The following REC8 variants were observed in gnomAD, a reference collection of about 807,000 sequenced individuals.
REC8 encodes meiotic recombination protein REC8 homolog.
In REC8, 42 loss-of-function variants were observed where a neutral mutation model predicts 78.3. That is an observed-to-expected ratio of 0.54 (90% confidence interval 0.42 to 0.69). The LOEUF (loss-of-function observed/expected upper bound fraction) is 0.69. Ranked by LOEUF, REC8 falls within the 30% of genes least tolerant of loss-of-function variation. The probability of loss-of-function intolerance (pLI) is 0.00; values close to 1 mark genes in which losing one functional copy is unlikely to be tolerated. For missense variants in REC8, 581 were observed against 715.8 expected, an observed-to-expected ratio of 0.81 and a Z score of 2.15; for synonymous variants, 268 against 274.1, an observed-to-expected ratio of 0.98 and a Z score of 0.22.
chr14:24,172,205 C>G lies in REC8; in HGVS notation c.-348C>G. ...TGCTGTGGAGGACACCGTGCTCCCT[C>G]GGGACCTGCTCTGGATTCCGGCCCG... On this transcript the variant is annotated 5_prime_UTR_variant, in exon 1 of 19. Coordinates refer to ENST00000611366, the MANE Select transcript of REC8 (RefSeq NM_001048205.2). 1 of 324,406 alleles carries G rather than the reference C, an allele frequency of 3.1e-6. No homozygotes were observed. The highest frequency in any genetic ancestry group is 5.7e-6 in the Non-Finnish European group (1 of 174,084). The allele number at this position is 324,406 out of a possible 1,614,324, so 20.1% of individuals were successfully genotyped here.
chr14:24,176,466 C>T (rs946680212), intron 6 of REC8, among the ~76,000 whole-genome samples: 5 of 151,630 alleles, frequency 3.3e-5, no homozygotes, highest in African/African-American at 1.2e-4. Flanking sequence ...ACCTCAGCCT[C>T]CAGAGTAGCT....
downstream of REC8, chr14:24,180,692 G>C (rs372061945): frequency 1.2e-6 from 2 of 1,614,192 alleles, no homozygotes; most frequent in Non-Finnish European, 1.7e-6. Context: ...CCCTCACCTG[G>C]TGGGATCTTG....
At position 24,172,530 on chromosome 14, in the gene REC8, G is replaced by C. The variant is rs759738512; in HGVS notation, c.-23G>C. On this transcript the variant is annotated 5_prime_UTR_variant, in exon 1 of 19. Transcript: ENST00000611366. ...ATCCGAACGGGGATCTGGTGGAATC[G>C]AGGGTGAAAGACCAGAGGGACAATG... 1.9e-6 allele frequency: 3 copies of C among 1,604,098 alleles called. No homozygotes were observed. Among genetic ancestry groups the C allele is most frequent in the East Asian group, 2.2e-5 (1 of 44,634 alleles).
chr14:24,177,485 C>A lies in REC8; in HGVS notation c.758C>A (p.Ala253Glu). The A allele has an allele frequency of 6.2e-7, 1 of 1,614,142 alleles. No homozygotes were observed. Among genetic ancestry groups the A allele is most frequent in the Non-Finnish European group, 8.5e-7 (1 of 1,180,014 alleles). The part of the protein sequence containing the change: ...APAEVEGIGE[A>E]LGPEELRLTG... ...CTCAGGGTGGAAGGAATAGGAGAGG[C>A]ACTGGGTCCTGAGGAGCTGAGGCTG... is the stretch of plus-strand genomic sequence containing the variant. The change falls in exon 10 of 19, where the codon GCA (alanine) becomes GAA (glutamate). Residue 253 changes from alanine (A) to glutamate (E), a missense_variant. Physicochemically the swap from Ala to Glu is moderately radical, Grantham distance 107. Transcript: ENST00000611366.
chr14:24,173,894 C>G (rs1428092553), intron 5 of REC8, among the ~76,000 whole-genome samples: 1 of 152,144 alleles, frequency 6.6e-6, no homozygotes, highest in Non-Finnish European at 1.5e-5. Context: ...GAGACAGGAT[C>G]TTGCTCTGTG....
rs1173285511 is a variant in REC8 at position 24,172,618 on chromosome 14, G to C, written c.56+10G>C. On this transcript the variant is annotated intron_variant, in intron 1 of 18. Coordinates refer to ENST00000611366, the MANE Select transcript of REC8 (RefSeq NM_001048205.2). ...GCTTTGCCACCATCTGGTAAGGGCG[G>C]GGCCCGTTGGCGCGCGATGGCGGAC... 6.2e-7 allele frequency: 1 copy of C among 1,613,228 alleles called. No individual in the cohort carries two copies. Among genetic ancestry groups the C allele is most frequent in the Non-Finnish European group, 8.5e-7 (1 of 1,179,522 alleles).
At chr14:24,178,262 C>A in intron 12 of REC8, 40 bp downstream of exon 12, 1 of 1,550,516 alleles carries the variant, frequency 6.4e-7, no homozygotes, top group Non-Finnish European at 8.9e-7. Flanking sequence ...GGGAGGGAGG[C>A]AGGGATGACC....
Position 24,172,962 on chromosome 14 carries a change from C to T in REC8, c.189C>T (p.Pro63=). The change falls in exon 3 of 19, where the codon CCC becomes CCT. Residue 63 remains proline, a synonymous_variant. Transcript: ENST00000611366. ...CCCCGCAGCCCGGCCTGCCGCGGCC[C>T]CGCTTCTCCCTCTATCTCTCAGCCC... ...VQPPQPGLPR[P]RFSLYLSAQL... is the part of the protein sequence containing the mutation. 1.2e-5 allele frequency: 19 copies of T among 1,609,966 alleles called. No homozygotes were observed. The highest frequency in any genetic ancestry group is 1.6e-5 in the Non-Finnish European group (19 of 1,180,028).
At chr14:24,180,865 A>C, downstream of REC8, 1 of 818,420 alleles carries the variant, frequency 1.2e-6, no homozygotes, top group Non-Finnish European at 1.9e-6. Flanking sequence ...GGGTGGTTGC[A>C]CCTGGTACTG....
Position 24,177,841 on chromosome 14 carries a change from G to T in REC8, c.864+83G>T, listed in dbSNP as rs1387679189. 8 of 1,490,712 alleles carry T rather than the reference G, an allele frequency of 5.4e-6. No individual in the cohort carries two copies. In the Admixed American group the frequency reaches 2.0e-4, roughly 37 times the overall value. 92.3% of individuals were successfully genotyped at this position (1,490,712 alleles called of 1,614,324 possible). A position where few individuals can be genotyped will look rare whatever the true frequency, so the allele number is the denominator to read the frequency against. ...CTGCCTCCCCAAGCCCAGGGCCACT[G>T]CTAGCTTACAGGGGTCCTTAATGCA... On this transcript the variant is annotated intron_variant, in intron 11 of 18. Coordinates refer to ENST00000611366, the MANE Select transcript of REC8 (RefSeq NM_001048205.2).
chr14:24,175,403 T>G, intron 5 of REC8, 140 bp from the exon 6 acceptor site: 1 of 664,026 alleles, frequency 1.5e-6, no homozygotes, highest in South Asian at 1.9e-5. Context: ...GGCGGGTGAG[T>G]TTACTGCAAG....
downstream of REC8, chr14:24,180,662 G>T: frequency 6.2e-7 from 1 of 1,613,760 alleles, no homozygotes; most frequent in South Asian, 1.1e-5. Context: ...CCTCCCGCAA[G>T]CCCCTGCCTA....
chr14:24,173,768 C>T (rs1005457054), intron 5 of REC8, among the ~76,000 whole-genome samples: 1 of 152,234 alleles, frequency 6.6e-6, no homozygotes. Context: ...TCACCCCCTT[C>T]CTTGGTTCCC....
chr14:24,172,702 A>G lies in REC8; in HGVS notation c.57-11A>G, dbSNP rs1235204505. 1.9e-6 allele frequency: 3 copies of G among 1,614,020 alleles called. No individual in the cohort carries two copies. ...CCATCCCCATTCTCCCACCTTCCCC[A>G]CCCACTTCAGGCTGGCGGCGACTCG... On this transcript the variant is annotated splice_polypyrimidine_tract_variant and intron_variant, in intron 1 of 18. Coordinates refer to ENST00000611366, the MANE Select transcript of REC8 (RefSeq NM_001048205.2).
At chr14:24,173,586 T>C (rs1476029751) in intron 5 of REC8, among the ~76,000 whole-genome samples, 175 bp downstream of exon 5, 2 of 152,192 alleles carry the variant, frequency 1.3e-5, no homozygotes, top group Non-Finnish European at 2.9e-5. Context: ...TGTACTTACC[T>C]ACTCAGGGCC....
At chr14:24,176,108 C>G (rs910205516) in intron 6 of REC8, among the ~76,000 whole-genome samples, 2 of 151,928 alleles carry the variant, frequency 1.3e-5, no homozygotes, top group Non-Finnish European at 2.9e-5. Flanking sequence ...ACTCTCTAGC[C>G]CAGGCTGGAG....
At chr14:24,178,493 C>T (rs141826580) in intron 12 of REC8, 113 bp from the exon 13 acceptor site, 66 of 1,148,042 alleles carry the variant, frequency 5.7e-5, no homozygotes, top group Non-Finnish European at 7.5e-5. Context: ...GGGTCATGAG[C>T]GCAAAAGCTG....
At chr14:24,175,754 A>C in intron 6 of REC8, 130 bp downstream of exon 6, 2 of 642,726 alleles carry the variant, frequency 3.1e-6, no homozygotes, top group Non-Finnish European at 5.4e-6. Flanking sequence ...GCAGAGTCTC[A>C]CTCTGTTGCC....
intron 15 of REC8, 79 bp downstream of exon 15, chr14:24,179,212 C>T: frequency 1.5e-6 from 2 of 1,349,054 alleles, no homozygotes; most frequent in East Asian, 2.4e-5. Context: ...ACTGCTGAAG[C>T]TGTTTTATGA....
Sources: gnomAD v4.1 joint callset for allele counts (sites outside exome capture counted in the v4.1 genomes callset) on GRCh38, gnomAD v4.1.1 for gene constraint, MANE v1.5 for transcripts, NCBI Gene and HGNC (gene_info 2026-07-23, HGNC 2026-07-21) for gene names.